The following ATP1A2 variants were observed in gnomAD, a reference collection of about 807,000 sequenced individuals.
ATP1A2 encodes the protein ATPase Na+/K+ transporting subunit alpha 2.
Under a neutral mutation model 113.1 loss-of-function variants are expected in ATP1A2, and 56 were observed. The observed-to-expected ratio is 0.49, with a 90% CI of 0.40 to 0.62. The LOEUF (loss-of-function observed/expected upper bound fraction) is 0.62. Among genes scored for constraint, ATP1A2 ranks in the 20% least tolerant of loss-of-function variants. The probability of loss-of-function intolerance (pLI) is 0.00; values close to 1 mark genes in which losing one functional copy is unlikely to be tolerated. For synonymous variants in ATP1A2, 490 were observed against 526.8 expected, an observed-to-expected ratio of 0.93 and a Z score of 0.96; for missense variants, 712 against 1,357.8, an observed-to-expected ratio of 0.52 and a Z score of 7.47.
intron 13 of ATP1A2, among the ~76,000 whole-genome samples, chr1:160,134,189 ACACACACACACAATCCCCACCCCCT>A (rs1651855964): frequency 1.5e-5 from 2 of 132,200 alleles, no homozygotes; most frequent in Admixed American, 1.5e-4. Flanking sequence ...ATTCCCTCTC[ACACACACACACAATCCCCACCCCCT>A]CACACACACA....
Position 160,135,628 on chromosome 1 carries a change from G to A in ATP1A2, c.2284+26G>A. The A allele has an allele frequency of 6.2e-7, 1 of 1,612,976 alleles. No individual in the cohort carries two copies. The highest frequency in any genetic ancestry group is 8.5e-7 in the Non-Finnish European group (1 of 1,180,012). On this transcript the variant is annotated intron_variant, in intron 16 of 22. Transcript: ENST00000361216. This position sits in a 1 kb window ranked among gnomAD's most constrained non-coding sequence, Gnocchi z 6.3. ...GTGAGGAGGCTGCATGGGTTGGGAT[G>A]GTTTGCAGGATACTGAAGCCGGCAC...
At position 160,136,852 on chromosome 1, in the gene ATP1A2, T is replaced by C. The variant is rs762860189; in HGVS notation, c.2710-49T>C. ...GAGAAACCATGCTACCTTCTGGTCC[T>C]ACCCTTTCCTCCGACACTCTCATCT... On this transcript the variant is annotated intron_variant, in intron 19 of 22. Transcript: ENST00000361216. 5 of 1,614,222 alleles carry C rather than the reference T, an allele frequency of 3.1e-6. No homozygotes were observed. In the South Asian group the frequency reaches 4.4e-5, roughly 14 times the overall value.
chr1:160,130,314 C>A (rs1359236459), intron 12 of ATP1A2, 23 bp downstream of exon 12: 1 of 1,613,982 alleles, frequency 6.2e-7, no homozygotes, highest in Non-Finnish European at 8.5e-7. Flanking sequence ...AAACAGGAGG[C>A]TCAGAAGGGG....
At position 160,128,870 on chromosome 1, in the gene ATP1A2, G is replaced by C; in HGVS notation, c.1216+20G>C. The C allele has an allele frequency of 2.5e-6, 4 of 1,613,948 alleles. No individual in the cohort carries two copies. The highest frequency in any genetic ancestry group is 2.5e-6 in the Non-Finnish European group (3 of 1,179,906). ...AGTCTGGTGATTGGGTGCTCCAGAG[G>C]GGGTGGATAGGATTAGAGGAGGCTG... is the stretch of plus-strand genomic sequence containing the variant. On this transcript the variant is annotated intron_variant, in intron 9 of 22. Coordinates refer to ENST00000361216, the MANE Select transcript of ATP1A2 (RefSeq NM_000702.4).
At position 160,141,673 on chromosome 1, in the gene ATP1A2, AAAAGCAGGAACCCATCT is replaced by A; in HGVS notation, c.*355_*371del. The A allele has an allele frequency of 2.8e-6, 1 of 354,998 alleles. No homozygotes were observed. Among genetic ancestry groups the A allele is most frequent in the South Asian group, 2.7e-5 (1 of 36,476 alleles). 22.0% of individuals were successfully genotyped at this position (354,998 alleles called of 1,614,324 possible). On this transcript the variant is annotated 3_prime_UTR_variant, in exon 23 of 23. Transcript: ENST00000361216. ...TTCCTACTGTAATAGATCAGCATCCAAAAGCAGGAACCCATCTAAACCAGAAGGAAGCCCTCTCAGAT... is the reference window on the plus strand; with the variant it reads ...TTCCTACTGTAATAGATCAGCATCCAAAACCAGAAGGAAGCCCTCTCAGAT...
rs1004750425 is a variant in ATP1A2, at chr1:160,141,496, C to A, written c.*174C>A. 5.5e-5 allele frequency: 42 copies of A among 758,014 alleles called. No individual in the cohort carries two copies. The Admixed American group carries it at 8.3e-4, about 15-fold the overall frequency. The allele number at this position is 758,014 out of a possible 1,614,324, so 47.0% of individuals were successfully genotyped here. A position where few individuals can be genotyped will look rare whatever the true frequency, so the allele number is the denominator to read the frequency against. On this transcript the variant is annotated 3_prime_UTR_variant, in exon 23 of 23. Coordinates refer to ENST00000361216, the MANE Select transcript of ATP1A2 (RefSeq NM_000702.4). ...GGGTATATAAATTGGGGTGATGACC[C>A]CATAGACCTAACTGTGAACAATCAG...
At chr1:160,138,869 C>T (rs1342887482) in intron 20 of ATP1A2, among the ~76,000 whole-genome samples, 1 of 152,018 alleles carries the variant, frequency 6.6e-6, no homozygotes, top group Non-Finnish European at 1.5e-5. Context: ...TGAACATTTT[C>T]CAGGTCTGTC....
rs1057523083 is a variant in ATP1A2, at chr1:160,134,618, C to G, written c.1962C>G (p.Pro654=). The change falls in exon 14 of 23, where the codon CCC becomes CCG. Residue 654 remains proline, a splice_region_variant and synonymous_variant. Coordinates refer to ENST00000361216, the MANE Select transcript of ATP1A2 (RefSeq NM_000702.4). ...ACATTCCCATGAGTCAAGTCAACCC[C>G]AGGTGAGGCCTCTGCAGGAAGCCCC... is the stretch of plus-strand genomic sequence containing the variant. ...RLNIPMSQVN[P]REAKACVVHG... The G allele has an allele frequency of 1.9e-6, 3 of 1,614,220 alleles. No homozygotes were observed. The highest frequency in any genetic ancestry group is 1.7e-5 in the Admixed American group (1 of 60,028).
rs776180843 is a variant in ATP1A2 at position 160,120,906 on chromosome 1, G to T, written c.13G>T (p.Ala5Ser). Residue 5 changes from alanine to serine, a missense_variant and splice_region_variant, in exon 2 of 23, where the codon GCT becomes TCT. This residue lies in a region of ATP1A2 where 109 missense variants were observed against 162.3 expected (regional missense o/e 0.67). Coordinates refer to ENST00000361216, the MANE Select transcript of ATP1A2 (RefSeq NM_000702.4). MGRG[A>S]GREYSPAATT... ...CTCTGGCTCTCCCTTCCTCCCTCAG[G>T]CTGGCCGTGAGTACTCACCTGCCGC... The T allele has an allele frequency of 6.9e-6, 11 of 1,585,564 alleles. No homozygotes were observed. In the East Asian group the frequency reaches 2.6e-4, roughly 37 times the overall value.
intron 3 of ATP1A2, 163 bp downstream of exon 3, chr1:160,121,414 C>A: frequency 1.2e-6 from 1 of 815,458 alleles, no homozygotes; most frequent in Non-Finnish European, 2.0e-6. Flanking sequence ...GTTGGTGGCA[C>A]AGCCAGAACT....
chr1:160,117,618 A>G (rs1330528456), intron 1 of ATP1A2, among the ~76,000 whole-genome samples: 1 of 152,140 alleles, frequency 6.6e-6, no homozygotes, highest in African/African-American at 2.4e-5. Context: ...CGACCCCTGA[A>G]GAGGGAAGGC....
chr1:160,128,405 T>A, intron 8 of ATP1A2: 1 of 1,117,528 alleles, frequency 8.9e-7, no homozygotes, highest in Non-Finnish European at 1.3e-6. Flanking sequence ...TATGCTCAGC[T>A]CTGCTCTGGC....
intron 6 of ATP1A2, among the ~76,000 whole-genome samples, chr1:160,124,918 C>A (rs1651537415): frequency 6.6e-6 from 1 of 152,130 alleles, no homozygotes; most frequent in East Asian, 1.9e-4. Context: ...CTTGGTTAAG[C>A]AAGTAACCCG....
chr1:160,130,002 G>A (rs1319266010), intron 11 of ATP1A2, 100 bp from the exon 12 acceptor site: 7 of 1,432,006 alleles, frequency 4.9e-6, no homozygotes, highest in South Asian at 3.5e-5. Flanking sequence ...TTGATGGGTT[G>A]GGGCTACTTT....
intron 1 of ATP1A2, among the ~76,000 whole-genome samples, chr1:160,116,439 C>A (rs1043868690): frequency 1.3e-5 from 2 of 151,912 alleles, no homozygotes; most frequent in East Asian, 3.9e-4. Flanking sequence ...AGAATGATGA[C>A]CCAGCCCCCA....
At position 160,141,348 on chromosome 1, in the gene ATP1A2, G is replaced by A. The variant is rs1208288898; in HGVS notation, c.*26G>A. ...CCCCATTGGAAGAAGAACCAGGCAT[G>A]GAAAGATGGGGAGCTCTGGAGGTGT... is the stretch of plus-strand genomic sequence containing the variant. On this transcript the variant is annotated 3_prime_UTR_variant, in exon 23 of 23. Coordinates refer to ENST00000361216, the MANE Select transcript of ATP1A2 (RefSeq NM_000702.4). The A allele has an allele frequency of 1.2e-6, 2 of 1,613,252 alleles. No homozygotes were observed. The highest frequency in any genetic ancestry group is 1.6e-4 in the Middle Eastern group (1 of 6,080).
At position 160,115,772 on chromosome 1, in the gene ATP1A2, G is replaced by C; in HGVS notation, c.-90G>C. ...TGCTTTGGCTTTCTCTGTCTGCCAGGGTCTCCGACTGTCCCAGACGGGCTG... is the reference window on the plus strand; with the variant it reads ...TGCTTTGGCTTTCTCTGTCTGCCAGCGTCTCCGACTGTCCCAGACGGGCTG... On this transcript the variant is annotated 5_prime_UTR_variant, in exon 1 of 23. Transcript: ENST00000361216. The C allele has an allele frequency of 6.6e-7, 1 of 1,512,078 alleles. No homozygotes were observed. The highest frequency in any genetic ancestry group is 1.2e-5 in the South Asian group (1 of 83,438). 93.7% of individuals were successfully genotyped at this position (1,512,078 alleles called of 1,614,324 possible).
At chr1:160,125,631 T>C (rs1220819931) in intron 7 of ATP1A2, 3 of 256,020 alleles carry the variant, frequency 1.2e-5, no homozygotes, top group African/African-American at 6.7e-5. Flanking sequence ...CTATTCCTTG[T>C]GGTTCTGGGC....
chr1:160,122,844 C>T (rs1177882896), intron 3 of ATP1A2, among the ~76,000 whole-genome samples: 1 of 152,102 alleles, frequency 6.6e-6, no homozygotes, highest in Admixed American at 6.5e-5. Flanking sequence ...CTAGGACTCT[C>T]CTAGAATCCT....
Sources: gnomAD v4.1 joint callset for allele counts (sites outside exome capture counted in the v4.1 genomes callset) on GRCh38, gnomAD v4.1.1 for gene constraint, gnomAD v4.1.1 regional missense constraint, Gnocchi (gnomAD v3.1) non-coding constraint, MANE v1.5 for transcripts, NCBI Gene and HGNC (gene_info 2026-07-23, HGNC 2026-07-21) for gene names.